PREP: variants seen among roughly 807,000 people sequenced by gnomAD.
PREP encodes prolyl endopeptidase.
PREP carries 29 observed loss-of-function variants against 87.6 expected under a neutral mutation model. The ratio of observed to expected loss-of-function variants is 0.33; its 90% CI spans 0.25 to 0.45. The LOEUF is 0.45. PREP is among the 20% of genes least tolerant of loss of function. The pLI is 1.00. For missense variants in PREP, 695 were observed against 886.5 expected, an observed-to-expected ratio of 0.78 and a Z score of 2.74; for synonymous variants, 337 against 328.6, an observed-to-expected ratio of 1.03 and a Z score of -0.28.
intron 6 of PREP, among the ~76,000 whole-genome samples, chr6:105,358,362 CAA>C (rs1408502894): frequency 2.6e-5 from 4 of 152,024 alleles, no homozygotes; most frequent in Non-Finnish European, 4.4e-5. Flanking sequence ...TCTACTTCTG[CAA>C]AGTCACCTGT....
intron 10 of PREP, among the ~76,000 whole-genome samples, chr6:105,304,445 T>C (rs886854710): frequency 5.3e-5 from 8 of 152,216 alleles, no homozygotes; most frequent in African/African-American, 1.9e-4. Context: ...TCTCGTAAAC[T>C]ATGGAGTCAG....
chr6:105,277,988 AAGAT>A lies in PREP; in HGVS notation c.*152_*155del, dbSNP rs1179089770. The A allele has an allele frequency of 9.4e-7, 1 of 1,066,884 alleles. No homozygotes were observed. The highest frequency in any genetic ancestry group is 1.4e-6 in the Non-Finnish European group (1 of 739,404). 66.1% of individuals were successfully genotyped at this position (1,066,884 alleles called of 1,614,324 possible). On this transcript the variant is annotated 3_prime_UTR_variant, in exon 15 of 15. Coordinates refer to ENST00000652536, the MANE Select transcript of PREP (RefSeq NM_002726.5). Reference sequence around the variant, plus strand: ...CTTGCTAAAAAGGAGAAGCCTAAAAAAGATAAAATTCCCACGGCAGTTCTGTTCA... The same window carrying A: ...CTTGCTAAAAAGGAGAAGCCTAAAAAAAAATTCCCACGGCAGTTCTGTTCA...
intron 6 of PREP, among the ~76,000 whole-genome samples, chr6:105,357,229 TTAAA>T (rs1288623208): frequency 6.6e-6 from 1 of 152,220 alleles, no homozygotes; most frequent in African/African-American, 2.4e-5. Context: ...CTCTTGTCCT[TTAAA>T]TAAACACAGA....
At chr6:105,325,234 A>AAC (rs1771123252) in intron 9 of PREP, among the ~76,000 whole-genome samples, 1 of 151,934 alleles carries the variant, frequency 6.6e-6, no homozygotes, top group Non-Finnish European at 1.5e-5. Context: ...ACAACAACAA[A>AAC]AAGACAACGT....
intron 2 of PREP, among the ~76,000 whole-genome samples, chr6:105,382,270 A>AACACACACACACACACACACAC (rs146759488): frequency 1.0e-4 from 15 of 143,016 alleles, no homozygotes; most frequent in Admixed American, 7.1e-5. Context: ...AAGCGTTCTC[A>AACACACACACACACACACACAC]ACACACACAC....
chr6:105,336,450 T>A (rs1264122177), intron 7 of PREP, among the ~76,000 whole-genome samples: 4 of 152,332 alleles, frequency 2.6e-5, no homozygotes, highest in South Asian at 2.1e-4. Context: ...AAAATGTTTC[T>A]CTAGGCCTGT....
intron 10 of PREP, among the ~76,000 whole-genome samples, chr6:105,309,452 C>A (rs1175021539): frequency 6.6e-6 from 1 of 152,136 alleles, no homozygotes; most frequent in South Asian, 2.1e-4. Flanking sequence ...CGGGTTCAAG[C>A]AATTCTCCTG....
intron 2 of PREP, among the ~76,000 whole-genome samples, chr6:105,380,508 C>G (rs1457661042): frequency 1.3e-5 from 2 of 152,136 alleles, no homozygotes; most frequent in Non-Finnish European, 2.9e-5. Context: ...AAAGTGGAGA[C>G]AGACAGGCCA....
intron 7 of PREP, among the ~76,000 whole-genome samples, chr6:105,339,484 A>G (rs982585791): frequency 6.6e-6 from 1 of 152,262 alleles, no homozygotes; most frequent in Non-Finnish European, 1.5e-5. Context: ...CTTCTCCTCC[A>G]AAGGTACACA....
At chr6:105,285,239 A>G (rs1770167496) in intron 12 of PREP, among the ~76,000 whole-genome samples, 1 of 152,234 alleles carries the variant, frequency 6.6e-6, no homozygotes, top group African/African-American at 2.4e-5. Flanking sequence ...ACCCCAAAAT[A>G]ACAAGGAATG....
In PREP at chr6:105,333,475, T is replaced by C. The variant is rs763962416; in HGVS notation, c.854A>G (p.Asn285Ser). The C allele has an allele frequency of 1.3e-5, 21 of 1,614,054 alleles. No individual in the cohort carries two copies. Among genetic ancestry groups the C allele is most frequent in the South Asian group, 9.9e-5 (9 of 91,078 alleles). Reference sequence around the variant, plus strand: ...CACGTAGTCATATTCCCCTTCAAAGTTGTCAATCAGTTTTACCCACTTCAG... The same window carrying C: ...CACGTAGTCATATTCCCCTTCAAAGCTGTCAATCAGTTTTACCCACTTCAG... ...GILKWVKLID[N>S]FEGEYDYVTN... The change falls in exon 8 of 15, where the codon AAC becomes AGC. Residue 285 changes from asparagine (N) to serine (S), a missense_variant. Coordinates refer to ENST00000652536, the MANE Select transcript of PREP (RefSeq NM_002726.5).
intron 6 of PREP, among the ~76,000 whole-genome samples, chr6:105,362,427 C>T (rs1772277198): frequency 2.0e-5 from 3 of 152,226 alleles, no homozygotes; most frequent in South Asian, 4.1e-4. Flanking sequence ...CACCACTGCA[C>T]TCCAGCCTGG....
chr6:105,345,004 T>C (rs55873742), intron 7 of PREP, among the ~76,000 whole-genome samples: 14,495 of 152,274 alleles, frequency 0.095, 1,084 homozygotes, highest in African/African-American at 0.21. Flanking sequence ...AGTCTAGCTA[T>C]AAAATTGGAA....
intron 2 of PREP, among the ~76,000 whole-genome samples, chr6:105,379,442 T>C (rs186882031): frequency 2.6e-5 from 4 of 152,338 alleles, no homozygotes; most frequent in African/African-American, 7.2e-5. Context: ...GGGGAGCATT[T>C]TGGAGATCAC....
intron 5 of PREP, among the ~76,000 whole-genome samples, chr6:105,369,862 G>A (rs921775289): frequency 1.3e-5 from 2 of 152,038 alleles, no homozygotes; most frequent in African/African-American, 2.4e-5. Flanking sequence ...CTAGGCCAAA[G>A]GCCTTGACAA....
chr6:105,377,924 G>A (rs13215311), intron 2 of PREP, among the ~76,000 whole-genome samples: 43,846 of 151,936 alleles, frequency 0.29, 8,105 homozygotes, highest in African/African-American at 0.53. Flanking sequence ...CCAGATCCAC[G>A]CTCCTAACAA....
At chr6:105,294,166 A>G (rs1321125198) in intron 10 of PREP, among the ~76,000 whole-genome samples, 5 of 152,160 alleles carry the variant, frequency 3.3e-5, no homozygotes, top group African/African-American at 1.2e-4. Flanking sequence ...GGGCCTACAT[A>G]TCTGTGAAGA....
chr6:105,317,523 A>G (rs1050006664), intron 10 of PREP, among the ~76,000 whole-genome samples: 1 of 152,234 alleles, frequency 6.6e-6, no homozygotes, highest in African/African-American at 2.4e-5. Context: ...GGCCAGAATC[A>G]TATTAGTGGA....
At chr6:105,331,570 G>C (rs1449471193) in intron 8 of PREP, among the ~76,000 whole-genome samples, 5 of 152,162 alleles carry the variant, frequency 3.3e-5, no homozygotes, top group African/African-American at 1.2e-4. Context: ...CAACGCATGA[G>C]GTCAGTGCAT....
Sources: allele counts gnomAD v4.1 joint callset (sites outside exome capture counted in the v4.1 genomes callset), GRCh38; gene constraint gnomAD v4.1.1; transcripts MANE v1.5; gene names NCBI Gene and HGNC (gene_info 2026-07-23, HGNC 2026-07-21).